Variants in MEGF8 observed in about 807,000 individuals in gnomAD.
The protein encoded by MEGF8 is multiple EGF like domains 8, also known as multiple epidermal growth factor-like domains protein 8.
Under a neutral mutation model 302.9 loss-of-function variants are expected in MEGF8, and 156 were observed. The ratio of observed to expected loss-of-function variants is 0.52; its 90% CI spans 0.45 to 0.59. The LOEUF is 0.59. Ranked by LOEUF, MEGF8 falls within the 20% of genes least tolerant of loss-of-function variation. The probability of loss-of-function intolerance (pLI) is 0.00; values close to 1 mark genes in which losing one functional copy is unlikely to be tolerated. For missense variants in MEGF8, 3,345 were observed against 3,964.5 expected, an observed-to-expected ratio of 0.84 and a Z score of 4.20; for synonymous variants, 1,621 against 1,660.5, an observed-to-expected ratio of 0.98 and a Z score of 0.58.
chr19:42,329,709 CA>C (rs2053320207), intron 1 of MEGF8, among the ~76,000 whole-genome samples: 3 of 151,912 alleles, frequency 2.0e-5, no homozygotes, highest in African/African-American at 7.3e-5. Flanking sequence ...AAAAAAATTA[CA>C]AAAGATTAGC....
At chr19:42,370,078 G>T (rs559152907) in intron 38 of MEGF8, 111 bp from the exon 39 acceptor site, 5 of 1,222,014 alleles carry the variant, frequency 4.1e-6, no homozygotes, top group Non-Finnish European at 4.6e-6. Context: ...CCAGGTACCC[G>T]AGCCTCTGCT....
In MEGF8 at chr19:42,376,011, G is replaced by T. The variant is rs148860986; in HGVS notation, c.7774G>T (p.Val2592Leu). The T allele has an allele frequency of 1.7e-5, 27 of 1,606,036 alleles. No individual in the cohort carries two copies. The highest frequency in any genetic ancestry group is 2.2e-5 in the Non-Finnish European group (26 of 1,177,920). ...EPSAVLVVRG[V>L]RDRLVITYPH... The stretch of plus-strand genomic sequence containing the variant: ...GTCGGCAGTGCTGGTGGTCCGCGGC[G>T]TGCGGGACCGGCTGGTCATCACCTA... The change falls in exon 42 of 42, where the codon GTG (valine) becomes TTG (leucine). Residue 2592 changes from valine (V) to leucine (L), a missense_variant. Physicochemically the swap from Val to Leu is conservative, Grantham distance 32. Coordinates refer to ENST00000251268, the MANE Select transcript of MEGF8 (RefSeq NM_001271938.2). The surrounding 1 kb of genome is among the most constrained non-coding windows in gnomAD (Gnocchi z 8.2).
intron 3 of MEGF8, among the ~76,000 whole-genome samples, 185 bp from the exon 4 acceptor site, chr19:42,334,850 T>G (rs2039103549): frequency 6.6e-6 from 1 of 152,036 alleles, no homozygotes; most frequent in Admixed American, 6.6e-5. Context: ...TCTTCCTGTC[T>G]CTCTCTGTCT....
chr19:42,336,101 C>T lies in MEGF8; in HGVS notation c.999C>T (p.Gly333=). 1 of 1,604,876 alleles carries T rather than the reference C, an allele frequency of 6.2e-7. No homozygotes were observed. Among genetic ancestry groups the T allele is most frequent in the Non-Finnish European group, 8.5e-7 (1 of 1,178,118 alleles). ...CCTCCAGCTCCTCGGGGCCCCCAGG[C>T]CTGGCAGGTCACGCGGCTGCCCTGG... is the stretch of plus-strand genomic sequence containing the variant. ...PPASSSSGPP[G]LAGHAAALVD... Residue 333 remains glycine, a synonymous_variant, in exon 6 of 42, where the codon GGC becomes GGT. Transcript: ENST00000251268. This position sits in a 1 kb window ranked among gnomAD's most constrained non-coding sequence, Gnocchi z 4.8.
Position 42,358,065 on chromosome 19 carries a change from C to G in MEGF8, c.5012-79C>G. On this transcript the variant is annotated intron_variant, in intron 28 of 41. Transcript: ENST00000251268. The surrounding 1 kb of genome is among the most constrained non-coding windows in gnomAD (Gnocchi z 4.4). Reference sequence around the variant, plus strand: ...CAGGGCCGGGGAAGGGAGTGGTCACCGAACAGGGGACCGGGAGGTCGGCGG... The same window carrying G: ...CAGGGCCGGGGAAGGGAGTGGTCACGGAACAGGGGACCGGGAGGTCGGCGG... 2 of 1,369,472 alleles carry G rather than the reference C, an allele frequency of 1.5e-6. No individual in the cohort carries two copies. Among genetic ancestry groups the G allele is most frequent in the East Asian group, 2.8e-5 (1 of 35,592 alleles). 84.8% of individuals were successfully genotyped at this position (1,369,472 alleles called of 1,614,324 possible).
rs1258739972 is a variant in MEGF8 at position 42,369,652 on chromosome 19, T to C, written c.6763T>C (p.Cys2255Arg). 1 of 1,609,042 alleles carries C rather than the reference T, an allele frequency of 6.2e-7. No homozygotes were observed. The highest frequency in any genetic ancestry group is 8.5e-7 in the Non-Finnish European group (1 of 1,177,080). ...CCGCAACTGCTCCACGGAATGCCGC[T>C]GCAACCGCCACAGTGAATGCGCTGG... is the stretch of plus-strand genomic sequence containing the variant. Reference protein sequence around the residue: ...VGRNCSTECRCNRHSECAGVG... With the variant: ...VGRNCSTECRRNRHSECAGVG... The change falls in exon 38 of 42, where the codon TGC (cysteine) becomes CGC (arginine). Residue 2255 changes from cysteine (C) to arginine (R), a missense_variant. Coordinates refer to ENST00000251268, the MANE Select transcript of MEGF8 (RefSeq NM_001271938.2). This position sits in a 1 kb window ranked among gnomAD's most constrained non-coding sequence, Gnocchi z 5.7.
chr19:42,366,547 G>A (rs957567198), intron 35 of MEGF8, among the ~76,000 whole-genome samples: 2 of 152,170 alleles, frequency 1.3e-5, no homozygotes, highest in Admixed American at 6.5e-5. Context: ...GGGGCAGGCA[G>A]CGGAGACACT....
At chr19:42,370,517 T>C in intron 39 of MEGF8, 158 bp downstream of exon 39, 1 of 890,240 alleles carries the variant, frequency 1.1e-6, no homozygotes, top group African/African-American at 1.8e-5. Flanking sequence ...GGTGGGGGTC[T>C]TGAACTCCTG....
In MEGF8 at chr19:42,356,644, C is replaced by G. The variant is rs2039456826; in HGVS notation, c.4623-130C>G. On this transcript the variant is annotated intron_variant, in intron 26 of 41. Coordinates refer to ENST00000251268, the MANE Select transcript of MEGF8 (RefSeq NM_001271938.2). The surrounding 1 kb of genome is among the most constrained non-coding windows in gnomAD (Gnocchi z 5.2). ...GGGTACTTATTTGGGTGGTGCTACT[C>G]CAGGGAATGGCAAGAGGACTGTCAT... 2 of 1,065,228 alleles carry G rather than the reference C, an allele frequency of 1.9e-6. No individual in the cohort carries two copies. Among genetic ancestry groups the G allele is most frequent in the Non-Finnish European group, 2.7e-6 (2 of 752,222 alleles). 66.0% of individuals were successfully genotyped at this position (1,065,228 alleles called of 1,614,324 possible).
At position 42,369,562 on chromosome 19, in the gene MEGF8, C is replaced by T; in HGVS notation, c.6673C>T (p.Gln2225Ter). Residue 2225 changes from glutamine to a stop codon, truncating the protein, a stop_gained, in exon 38 of 42, where the codon CAG (glutamine) becomes TAG (stop). Coordinates refer to ENST00000251268, the MANE Select transcript of MEGF8 (RefSeq NM_001271938.2). LOFTEE classifies it high-confidence loss of function. The surrounding 1 kb of genome is among the most constrained non-coding windows in gnomAD (Gnocchi z 5.7). ...MTGLCRPVCAQGCVNGSCVEP... is the reference protein window; with the variant it reads ...MTGLCRPVCA Reference sequence around the variant, plus strand: ...AGGGCTGTGCCGCCCTGTGTGCGCCCAGGGCTGCGTGAACGGCTCATGTGT... The same window carrying T: ...AGGGCTGTGCCGCCCTGTGTGCGCCTAGGGCTGCGTGAACGGCTCATGTGT... 1.2e-6 allele frequency: 2 copies of T among 1,611,106 alleles called. No individual in the cohort carries two copies. The highest frequency in any genetic ancestry group is 1.7e-6 in the Non-Finnish European group (2 of 1,179,708).
At position 42,376,526 on chromosome 19, in the gene MEGF8, G is replaced by T; in HGVS notation, c.8289G>T (p.Leu2763=). 1.3e-6 allele frequency: 2 copies of T among 1,570,930 alleles called. No individual in the cohort carries two copies. The highest frequency in any genetic ancestry group is 1.7e-6 in the Non-Finnish European group (2 of 1,161,036). ...PPAIPATTAG[L]RAGPITLEPT... The stretch of plus-strand genomic sequence containing the variant: ...CCATCCCCGCCACCACTGCTGGGCT[G>T]CGAGCTGGGCCCATCACTCTCGAGC... The change falls in exon 42 of 42, where the codon CTG becomes CTT. Residue 2763 remains leucine, a synonymous_variant. Coordinates refer to ENST00000251268, the MANE Select transcript of MEGF8 (RefSeq NM_001271938.2). This position sits in a 1 kb window ranked among gnomAD's most constrained non-coding sequence, Gnocchi z 8.2.
Position 42,351,120 on chromosome 19 carries a change from C to A in MEGF8, c.2737-96C>A. The A allele has an allele frequency of 9.4e-7, 1 of 1,063,992 alleles. No individual in the cohort carries two copies. The highest frequency in any genetic ancestry group is 1.4e-6 in the Non-Finnish European group (1 of 732,740). The allele number at this position is 1,063,992 out of a possible 1,614,324, so 65.9% of individuals were successfully genotyped here. A position where few individuals can be genotyped will look rare whatever the true frequency, so the allele number is the denominator to read the frequency against. On this transcript the variant is annotated intron_variant, in intron 15 of 41. Transcript: ENST00000251268. The surrounding 1 kb of genome is among the most constrained non-coding windows in gnomAD (Gnocchi z 5.6). Reference sequence around the variant, plus strand: ...GGGGAGGGAGATGGCCTTACAGGGACAGTCTGCAGGGTGGGGCAGGGGGTG... The same window carrying A: ...GGGGAGGGAGATGGCCTTACAGGGAAAGTCTGCAGGGTGGGGCAGGGGGTG...
chr19:42,353,693 C>G lies in MEGF8; in HGVS notation c.3761+18C>G, dbSNP rs777703110. ...GATCCCCGGTGAGCCAACGGGCCAG[C>G]CAGGGCTGGGTAGGGTGTGCTTGGG... On this transcript the variant is annotated intron_variant, in intron 21 of 41. Coordinates refer to ENST00000251268, the MANE Select transcript of MEGF8 (RefSeq NM_001271938.2). This position sits in a 1 kb window ranked among gnomAD's most constrained non-coding sequence, Gnocchi z 6.1. 2 of 1,576,282 alleles carry G rather than the reference C, an allele frequency of 1.3e-6. No homozygotes were observed. The highest frequency in any genetic ancestry group is 1.7e-6 in the Non-Finnish European group (2 of 1,156,172).
chr19:42,361,953 GT>G, intron 32 of MEGF8, 136 bp from the exon 33 acceptor site: 1 of 1,329,740 alleles, frequency 7.5e-7, no homozygotes, highest in Admixed American at 2.3e-5. Flanking sequence ...CCAAATGGTG[GT>G]GGGGACAGCC....
At position 42,359,261 on chromosome 19, in the gene MEGF8, TC is replaced by T; in HGVS notation, c.5488+22del. 1 of 1,527,362 alleles carries T rather than the reference TC, an allele frequency of 6.5e-7. No homozygotes were observed. The allele number at this position is 1,527,362 out of a possible 1,614,324, so 94.6% of individuals were successfully genotyped here. On this transcript the variant is annotated intron_variant, in intron 31 of 41. Transcript: ENST00000251268. ...CTCACCCGTAAGTCCCCATTGTGGC[TC>T]CCAGGAGGCTGAGGGACATCCAGGA...
chr19:42,353,662 T>C lies in MEGF8; in HGVS notation c.3748T>C (p.Tyr1250His). Residue 1250 changes from tyrosine (Y) to histidine (H), a missense_variant, in exon 21 of 42, where the codon TAT becomes CAT. Transcript: ENST00000251268. This position sits in a 1 kb window ranked among gnomAD's most constrained non-coding sequence, Gnocchi z 6.1. ...CTGCCAGCTCTGCTCCCCAGGCTAT[T>C]ATGGGGATCCCCGGTGAGCCAACGG... Reference protein sequence around the residue: ...AHCQLCSPGYYGDPRAGGSCF... With the variant: ...AHCQLCSPGYHGDPRAGGSCF... 1 of 1,578,418 alleles carries C rather than the reference T, an allele frequency of 6.3e-7. No homozygotes were observed. Among genetic ancestry groups the C allele is most frequent in the Non-Finnish European group, 8.6e-7 (1 of 1,158,794 alleles).
At position 42,371,064 on chromosome 19, in the gene MEGF8, G is replaced by GCA. The variant is rs373560402; in HGVS notation, c.7136+234_7136+235insAC. Among the ~76,000 whole-genome samples, 1,760 of 152,060 alleles carry GCA rather than the reference G, an allele frequency of 0.012. 42 individuals are homozygous for GCA. The highest frequency in any genetic ancestry group is 0.041 in the African/African-American group (1,683 of 41,514). ...GTGCTGAAGTGCAGTCCACAGAGCG[G>GCA]CCCCATCGAGAACAAGATGGGGCGG... On this transcript the variant is annotated intron_variant, in intron 40 of 41. Coordinates refer to ENST00000251268, the MANE Select transcript of MEGF8 (RefSeq NM_001271938.2).
At chr19:42,372,071 AC>A (rs1397449932) in intron 41 of MEGF8, among the ~76,000 whole-genome samples, 27 of 147,502 alleles carry the variant, frequency 1.8e-4, no homozygotes, top group African/African-American at 3.3e-4. Context: ...AACAACAACA[AC>A]AAACACACAC....
intron 39 of MEGF8, 149 bp downstream of exon 39, chr19:42,370,508 G>T (rs1460254299): frequency 2.2e-6 from 2 of 911,950 alleles, no homozygotes; most frequent in Non-Finnish European, 1.6e-6. Context: ...GAGAGTAGAG[G>T]TGGGGGTCTT....
Sources: allele counts gnomAD v4.1 joint callset (sites outside exome capture counted in the v4.1 genomes callset), GRCh38; gene constraint gnomAD v4.1.1; non-coding constraint Gnocchi (gnomAD v3.1); transcripts MANE v1.5; gene names NCBI Gene and HGNC (gene_info 2026-07-23, HGNC 2026-07-21).